The following ITPR2 variants were observed in gnomAD, a reference collection of about 807,000 sequenced individuals.
ITPR2 encodes inositol 1,4,5-trisphosphate receptor type 2.
In ITPR2, 207 loss-of-function variants were observed where a neutral mutation model predicts 317.1. The ratio of observed to expected loss-of-function variants is 0.65; its 90% CI spans 0.58 to 0.73. The LOEUF (loss-of-function observed/expected upper bound fraction) is 0.73, where lower values mean the gene tolerates loss of function less well. ITPR2 is among the 30% of genes least tolerant of loss of function. ITPR2 has a pLI of 0.00. For missense variants in ITPR2, 2,613 were observed against 3,284.0 expected, an observed-to-expected ratio of 0.80 and a Z score of 4.99; for synonymous variants, 1,156 against 1,149.1, an observed-to-expected ratio of 1.01 and a Z score of -0.12.
intron 1 of ITPR2, among the ~76,000 whole-genome samples, chr12:26,792,191 T>G (rs1019564490): frequency 1.3e-5 from 2 of 152,070 alleles, no homozygotes; most frequent in African/African-American, 4.8e-5. Context: ...TTCTAAAAAT[T>G]TGTCCTATTC....
At chr12:26,752,273 T>C (rs1167722079) in intron 2 of ITPR2, among the ~76,000 whole-genome samples, 2 of 152,180 alleles carry the variant, frequency 1.3e-5, no homozygotes, top group Non-Finnish European at 2.9e-5. Flanking sequence ...AGCAACTCCA[T>C]CTTGAAAAGG....
At chr12:26,632,402 A>G (rs887527143) in intron 21 of ITPR2, among the ~76,000 whole-genome samples, 2 of 152,192 alleles carry the variant, frequency 1.3e-5, no homozygotes, top group African/African-American at 4.8e-5. Flanking sequence ...TGCTTTTACA[A>G]TAATGCAAAA....
At chr12:26,640,280 G>C (rs980296580) in intron 21 of ITPR2, among the ~76,000 whole-genome samples, 1 of 151,984 alleles carries the variant, frequency 6.6e-6, no homozygotes, top group Non-Finnish European at 1.5e-5. Context: ...GGCAATGTGA[G>C]TAGAAAAACA....
At chr12:26,420,633 T>C (rs573350718) in intron 49 of ITPR2, among the ~76,000 whole-genome samples, 1 of 152,290 alleles carries the variant, frequency 6.6e-6, no homozygotes, top group East Asian at 1.9e-4. Flanking sequence ...ATCAATGTTA[T>C]CACTTCATTC....
At chr12:26,483,567 C>T in intron 42 of ITPR2, 131 bp downstream of exon 42, 1 of 664,360 alleles carries the variant, frequency 1.5e-6, no homozygotes. Flanking sequence ...ATAATTCAGT[C>T]TTTGTATGTT....
At chr12:26,682,753 A>G in intron 11 of ITPR2, 80 bp from the exon 12 acceptor site, 1 of 803,588 alleles carries the variant, frequency 1.2e-6, no homozygotes, top group Non-Finnish European at 2.1e-6. Context: ...AGTTTCATAT[A>G]TTATATGAAC....
At chr12:26,567,990 ATATATATTATATATATTAT>A (rs1945041496) in intron 34 of ITPR2, among the ~76,000 whole-genome samples, 1 of 7,302 alleles carries the variant, frequency 1.4e-4, no homozygotes, top group African/African-American at 2.5e-4. Context: ...ATATATATAT[ATATATATTATATATATTAT>A]ATATATATAT....
At chr12:26,802,229 G>C (rs146594396) in intron 1 of ITPR2, among the ~76,000 whole-genome samples, 1 of 152,034 alleles carries the variant, frequency 6.6e-6, no homozygotes, top group African/African-American at 2.4e-5. Flanking sequence ...AGCCTGGGAA[G>C]TGGAGGCTAT....
chr12:26,637,028 T>C (rs539725825), intron 21 of ITPR2, among the ~76,000 whole-genome samples: 52 of 152,348 alleles, frequency 3.4e-4, no homozygotes, highest in African/African-American at 1.2e-3. Flanking sequence ...ACTGAAAATG[T>C]AGAATTTCCA....
At chr12:26,354,292 C>A in intron 55 of ITPR2, among the ~76,000 whole-genome samples, 1 of 152,086 alleles carries the variant, frequency 6.6e-6, no homozygotes, top group Admixed American at 6.6e-5. Context: ...ATAATAAAAT[C>A]CGTTTTGGTA....
intron 15 of ITPR2, among the ~76,000 whole-genome samples, chr12:26,662,944 TAC>T (rs1947536210): frequency 6.6e-6 from 1 of 152,118 alleles, no homozygotes; most frequent in South Asian, 2.1e-4. Context: ...GTGTTGGGAT[TAC>T]AGGCTTGAGC....
chr12:26,400,085 A>G, intron 53 of ITPR2, 43 bp downstream of exon 53: 1 of 1,565,006 alleles, frequency 6.4e-7, no homozygotes, highest in South Asian at 1.2e-5. Context: ...AAGGTTTAAA[A>G]AAAAGATGTG....
At chr12:26,504,827 C>A (rs1225561054) in intron 37 of ITPR2, among the ~76,000 whole-genome samples, 2 of 152,018 alleles carry the variant, frequency 1.3e-5, no homozygotes, top group Admixed American at 1.3e-4. Flanking sequence ...TAACAAGTGA[C>A]AGGAAAATTG....
At chr12:26,553,155 C>T (rs1944570574) in intron 36 of ITPR2, among the ~76,000 whole-genome samples, 2 of 152,126 alleles carry the variant, frequency 1.3e-5, no homozygotes, top group Non-Finnish European at 2.9e-5. Context: ...TTGCGTCTAC[C>T]TAAGTCAGTT....
chr12:26,578,782 T>A lies in ITPR2; in HGVS notation c.4561A>T (p.Asn1521Tyr), dbSNP rs779935861. 1 of 1,611,198 alleles carries A rather than the reference T, an allele frequency of 6.2e-7. No homozygotes were observed. Among genetic ancestry groups the A allele is most frequent in the Non-Finnish European group, 8.5e-7 (1 of 1,177,872 alleles). Residue 1521 changes from asparagine to tyrosine, a missense_variant, in exon 34 of 57, where the codon AAT (asparagine) becomes TAT (tyrosine). Transcript: ENST00000381340. ...QLLQSAFRIY[N>Y]CTWPNPAQKA... ...TGCGCTGGGTTTGGCCAGGTGCAAT[T>A]GTAAATTCTGAAGGCAGATTGCAGT...
At chr12:26,695,233 C>T (rs529071571) in intron 10 of ITPR2, among the ~76,000 whole-genome samples, 18 of 152,128 alleles carry the variant, frequency 1.2e-4, no homozygotes, top group South Asian at 2.1e-4. Flanking sequence ...GTCTGCATCA[C>T]ATCAAATTGT....
At chr12:26,784,690 T>G (rs1457216110) in intron 2 of ITPR2, among the ~76,000 whole-genome samples, 1 of 151,484 alleles carries the variant, frequency 6.6e-6, no homozygotes, top group Non-Finnish European at 1.5e-5. Flanking sequence ...CTCGGCTCGC[T>G]ACAGCCTCCA....
At chr12:26,802,848 G>C (rs1950583121) in intron 1 of ITPR2, among the ~76,000 whole-genome samples, 1 of 152,008 alleles carries the variant, frequency 6.6e-6, no homozygotes, top group Admixed American at 6.6e-5. Flanking sequence ...CTTAGTGGGA[G>C]ATTTCAACAC....
At chr12:26,790,026 A>T (rs934691621) in intron 2 of ITPR2, 131 bp downstream of exon 2, 2 of 690,242 alleles carry the variant, frequency 2.9e-6, no homozygotes, top group African/African-American at 1.8e-5. Context: ...AATTGTTGAA[A>T]GAATTTTCAG....
Sources: allele counts gnomAD v4.1 joint callset (sites outside exome capture counted in the v4.1 genomes callset), GRCh38; gene constraint gnomAD v4.1.1; transcripts MANE v1.5; gene names NCBI Gene and HGNC (gene_info 2026-07-23, HGNC 2026-07-21).